Variants in CAMK2B observed in about 807,000 individuals in gnomAD.
The protein encoded by CAMK2B is calcium/calmodulin-dependent protein kinase type II subunit beta.
In CAMK2B, 27 loss-of-function variants were observed where a neutral mutation model predicts 93.7. The observed-to-expected ratio is 0.29, with a 90% CI of 0.21 to 0.40. The LOEUF (loss-of-function observed/expected upper bound fraction) is 0.40, where lower values mean the gene tolerates loss of function less well. CAMK2B is among the 10% of genes least tolerant of loss of function. The pLI is 1.00. For missense variants in CAMK2B, 568 were observed against 895.8 expected (o/e 0.63, Z 4.67); for synonymous variants, 374 against 358.8 (o/e 1.04, Z -0.48).
intron 13 of CAMK2B, among the ~76,000 whole-genome samples, chr7:44,237,644 A>C (rs1036390135): frequency 1.3e-4 from 19 of 151,426 alleles, no homozygotes; most frequent in Admixed American, 1.1e-3. Context: ...CTCCAGATTC[A>C]CCGTGGCCAG....
At chr7:44,262,628 C>G (rs1218630192) in intron 3 of CAMK2B, among the ~76,000 whole-genome samples, 2 of 152,216 alleles carry the variant, frequency 1.3e-5, no homozygotes, top group African/African-American at 4.8e-5. Context: ...GGGTCACATG[C>G]TGGGCACTGG....
intron 2 of CAMK2B, among the ~76,000 whole-genome samples, chr7:44,265,602 A>G (rs1021290145): frequency 6.6e-6 from 1 of 152,248 alleles, no homozygotes; most frequent in African/African-American, 2.4e-5. Flanking sequence ...TTCTCCTGGG[A>G]CACAGATAAT....
At chr7:44,322,012 G>C (rs13307928) in intron 1 of CAMK2B, among the ~76,000 whole-genome samples, 249 of 152,290 alleles carry the variant, frequency 1.6e-3, no homozygotes, top group Middle Eastern at 3.4e-3. Flanking sequence ...TCACACCTGC[G>C]CCCCAGACGC....
At position 44,311,731 on chromosome 7, in the gene CAMK2B, G is replaced by A. The variant is rs932206763; in HGVS notation, c.65+13626C>T. On this transcript the variant is annotated intron_variant, in intron 1 of 23. Transcript: ENST00000395749. This position sits in a 1 kb window ranked among gnomAD's most constrained non-coding sequence, Gnocchi z 4.2. ...CACCGCCCCAGCTCTGGGCCTCAGG[G>A]ACAACAGTGGGAAACCAGAGGCCTT... 6.6e-6 allele frequency among the ~76,000 whole-genome samples: 1 copy of A among 152,226 alleles called. No individual in the cohort carries two copies. Among genetic ancestry groups the A allele is most frequent in the Non-Finnish European group, 1.5e-5 (1 of 68,032 alleles).
Position 44,243,499 on chromosome 7 carries a change from C to T in CAMK2B, c.443G>A (p.Cys148Tyr). The T allele has an allele frequency of 6.2e-7, 1 of 1,614,054 alleles. No individual in the cohort carries two copies. Among genetic ancestry groups the T allele is most frequent in the Non-Finnish European group, 8.5e-7 (1 of 1,179,990 alleles). Residue 148 changes from cysteine to tyrosine, a missense_variant, in exon 7 of 24, where the codon TGC becomes TAC. This residue lies in a region of CAMK2B where 105 missense variants were observed against 372.4 expected (regional missense o/e 0.28). Coordinates refer to ENST00000395749, the MANE Select transcript of CAMK2B (RefSeq NM_001220.5). ...TGCCAGCTTCACTGCAGCCCCTTTG[C>T]ACTTGCTGGCCAGAAGCAGGTTCTC... ...KPENLLLASK[C>Y]KGAAVKLADF...
rs1583765291 is a variant in CAMK2B, at chr7:44,225,660, C to T, written c.1597+856G>A. 6 of 1,101,992 alleles carry T rather than the reference C, an allele frequency of 5.4e-6. No individual in the cohort carries two copies. Among genetic ancestry groups the T allele is most frequent in the South Asian group, 1.3e-5 (1 of 76,176 alleles). The allele number at this position is 1,101,992 out of a possible 1,614,324, so 68.3% of individuals were successfully genotyped here. A position where few individuals can be genotyped will look rare whatever the true frequency, so the allele number is the denominator to read the frequency against. On this transcript the variant is annotated intron_variant, in intron 20 of 23. Transcript: ENST00000395749. The surrounding 1 kb of genome is among the most constrained non-coding windows in gnomAD (Gnocchi z 5.0). The stretch of plus-strand genomic sequence containing the variant: ...TCGAGCCGCTGCTCCTGTGGGTTCA[C>T]TCTCCCCACACCCTTCTGCCCTGGC...
In CAMK2B at chr7:44,239,685, C is replaced by A. The variant is rs536028795; in HGVS notation, c.947-22G>T. 5.4e-6 allele frequency: 7 copies of A among 1,291,244 alleles called. No individual in the cohort carries two copies. The East Asian group carries it at 9.9e-5, about 18-fold the overall frequency. The allele number at this position is 1,291,244 out of a possible 1,614,324, so 80.0% of individuals were successfully genotyped here. Reference sequence around the variant, plus strand: ...CCCACTGTTAGCACCGGGTTAGAGACGAGGGGAAGGGAGGGGTGGGCGGAC... The same window carrying A: ...CCCACTGTTAGCACCGGGTTAGAGAAGAGGGGAAGGGAGGGGTGGGCGGAC... On this transcript the variant is annotated intron_variant, in intron 12 of 23. Transcript: ENST00000395749.
intron 1 of CAMK2B, among the ~76,000 whole-genome samples, chr7:44,300,087 C>T (rs967966925): frequency 1.1e-4 from 16 of 151,488 alleles, no homozygotes; most frequent in African/African-American, 3.9e-4. Flanking sequence ...GGGACTCACT[C>T]TGTCACCCAG....
intron 16 of CAMK2B, among the ~76,000 whole-genome samples, chr7:44,232,157 G>A (rs1483265371): frequency 6.6e-6 from 1 of 151,766 alleles, no homozygotes; most frequent in Non-Finnish European, 1.5e-5. Flanking sequence ...TGGGCTGGGT[G>A]GTGGCACTGG....
intron 1 of CAMK2B, among the ~76,000 whole-genome samples, chr7:44,320,515 C>A (rs1471154386): frequency 6.6e-6 from 1 of 152,170 alleles, no homozygotes; most frequent in Non-Finnish European, 1.5e-5. Flanking sequence ...GATTACAGTA[C>A]CTACTTCACA....
intron 2 of CAMK2B, chr7:44,268,937 C>A (rs1422202608): frequency 6.6e-6 from 1 of 152,266 alleles, no homozygotes; most frequent in Non-Finnish European, 1.5e-5. Flanking sequence ...CCAAAAATGC[C>A]CGGAAAGACC....
chr7:44,291,317 G>A (rs899085084), intron 1 of CAMK2B, among the ~76,000 whole-genome samples: 1 of 152,166 alleles, frequency 6.6e-6, no homozygotes, highest in African/African-American at 2.4e-5. Flanking sequence ...GGAGTCCCCA[G>A]GCCCAGAGTA....
Position 44,242,675 on chromosome 7 carries a change from C to T in CAMK2B, c.602-21G>A, listed in dbSNP as rs372762832. On this transcript the variant is annotated intron_variant, in intron 8 of 23. Coordinates refer to ENST00000395749, the MANE Select transcript of CAMK2B (RefSeq NM_001220.5). ...CACCCCTGCGGATGGGGCCTGTGAG[C>T]ACCGCAGCCACTTGCAGGGTGCCAC... 1.5e-5 allele frequency: 23 copies of T among 1,545,880 alleles called. 1 individual carries two copies. The Middle Eastern group carries it at 1.9e-3, about 124-fold the overall frequency.
chr7:44,240,810 C>T, intron 11 of CAMK2B, 61 bp from the exon 12 acceptor site: 2 of 1,555,252 alleles, frequency 1.3e-6, no homozygotes, highest in Non-Finnish European at 1.8e-6. Context: ...TGGCTTCTGG[C>T]CAGGATAAGA....
chr7:44,245,422 T>A (rs2128979748), intron 6 of CAMK2B, among the ~76,000 whole-genome samples: 1 of 152,262 alleles, frequency 6.6e-6, no homozygotes, highest in African/African-American at 2.4e-5. Context: ...CAACAGGAGG[T>A]TGAGACAGCA....
chr7:44,297,583 T>C (rs1290091583), intron 1 of CAMK2B, among the ~76,000 whole-genome samples: 1 of 152,188 alleles, frequency 6.6e-6, no homozygotes, highest in Non-Finnish European at 1.5e-5. Flanking sequence ...GACCAAACTA[T>C]ATGTCATCTA....
At chr7:44,258,973 C>T (rs1320014631) in intron 3 of CAMK2B, 47 bp from the exon 4 acceptor site, 2 of 1,523,120 alleles carry the variant, frequency 1.3e-6, no homozygotes, top group East Asian at 4.5e-5. Flanking sequence ...GCCCAGGACA[C>T]ACCTCCTGCC....
At position 44,320,206 on chromosome 7, in the gene CAMK2B, G is replaced by A. The variant is rs902016379; in HGVS notation, c.65+5151C>T. Among the ~76,000 whole-genome samples the A allele has an allele frequency of 1.3e-4, 20 of 152,246 alleles. No homozygotes were observed. In the East Asian group the frequency reaches 3.7e-3, roughly 28 times the overall value. ...TGTTGGTTGTCTTTGATGACGAAAC[G>A]AAGTAACATCTTCACAAAGGGGAAC... On this transcript the variant is annotated intron_variant, in intron 1 of 23. Transcript: ENST00000395749.
Position 44,248,977 on chromosome 7 carries a change from G to A in CAMK2B, c.342-1785C>T, listed in dbSNP as rs1394438286. ...GTGTCCTGCCTTCCCTCCTCCCCAT[G>A]TGCCCTGGGGTGTCCTGCCCATTTG... is the stretch of plus-strand genomic sequence containing the variant. On this transcript the variant is annotated intron_variant, in intron 5 of 23. Coordinates refer to ENST00000395749, the MANE Select transcript of CAMK2B (RefSeq NM_001220.5). The surrounding 1 kb of genome is among the most constrained non-coding windows in gnomAD (Gnocchi z 4.1). 6.6e-6 allele frequency among the ~76,000 whole-genome samples: 1 copy of A among 151,754 alleles called. No homozygotes were observed. The highest frequency in any genetic ancestry group is 1.5e-5 in the Non-Finnish European group (1 of 67,916).
Sources: allele counts gnomAD v4.1 joint callset (sites outside exome capture counted in the v4.1 genomes callset), GRCh38; gene constraint gnomAD v4.1.1; regional missense constraint gnomAD v4.1.1; non-coding constraint Gnocchi (gnomAD v3.1); transcripts MANE v1.5; gene names NCBI Gene and HGNC (gene_info 2026-07-23, HGNC 2026-07-21).